The following RTN1 variants were observed in gnomAD, a reference collection of about 807,000 sequenced individuals.
The protein encoded by RTN1 is reticulon-1.
A neutral mutation model predicts 65.5 loss-of-function variants in RTN1; 25 were observed. The ratio of observed to expected loss-of-function variants is 0.38; its 90% confidence interval spans 0.28 to 0.53. The LOEUF (loss-of-function observed/expected upper bound fraction) is 0.53. Among genes scored for constraint, RTN1 ranks in the 20% least tolerant of loss-of-function variants. The pLI is 0.79. For synonymous variants in RTN1, 471 were observed against 447.6 expected, an observed-to-expected ratio of 1.05 and a Z score of -0.66; for missense variants, 983 against 1,025.4, an observed-to-expected ratio of 0.96 and a Z score of 0.57.
intron 3 of RTN1, among the ~76,000 whole-genome samples, chr14:59,688,567 C>T (rs1367068455): frequency 3.3e-5 from 5 of 152,154 alleles, no homozygotes; most frequent in African/African-American, 4.8e-5. Context: ...GAACTTCTCC[C>T]GGTAAGCAAG....
At chr14:59,869,925 A>C (rs1887864697) in intron 1 of RTN1, among the ~76,000 whole-genome samples, 2 of 152,072 alleles carry the variant, frequency 1.3e-5, no homozygotes, top group Non-Finnish European at 2.9e-5. Flanking sequence ...CCCTGGACAG[A>C]GCCGGGTCCA....
At chr14:59,811,682 A>G (rs1427436957) in intron 1 of RTN1, among the ~76,000 whole-genome samples, 1 of 152,234 alleles carries the variant, frequency 6.6e-6, no homozygotes. Flanking sequence ...GGAAAGACTC[A>G]TATTAGTATA....
In RTN1 at chr14:59,770,023, G is replaced by A. The variant is rs531211364; in HGVS notation, c.242-23542C>T. The stretch of plus-strand genomic sequence containing the variant: ...CTCTGAAGAAAACCAGGACTGTCAC[G>A]TATAGTTGACACTACATATGGGAAC... On this transcript the variant is annotated intron_variant, in intron 1 of 8. Coordinates refer to ENST00000267484, the MANE Select transcript of RTN1 (RefSeq NM_021136.3). Among the ~76,000 whole-genome samples, 6 of 152,192 alleles carry A rather than the reference G, an allele frequency of 3.9e-5. No individual in the cohort carries two copies. In the South Asian group the frequency reaches 1.0e-3, roughly 26 times the overall value.
At chr14:59,858,961 A>C (rs1264981619) in intron 1 of RTN1, among the ~76,000 whole-genome samples, 2 of 152,238 alleles carry the variant, frequency 1.3e-5, no homozygotes, top group African/African-American at 4.8e-5. Flanking sequence ...AAACTGGATA[A>C]AATTATATAG....
At chr14:59,772,113 C>T (rs181376961) in intron 1 of RTN1, among the ~76,000 whole-genome samples, 32 of 152,236 alleles carry the variant, frequency 2.1e-4, no homozygotes, top group Non-Finnish European at 2.9e-4. Flanking sequence ...AGAATACATG[C>T]TACTGACTGA....
chr14:59,694,797 C>T (rs1258854120), intron 3 of RTN1, among the ~76,000 whole-genome samples: 1 of 152,178 alleles, frequency 6.6e-6, no homozygotes, highest in Non-Finnish European at 1.5e-5. Context: ...AAGGAGTTTA[C>T]ACTAGCTACT....
At chr14:59,695,312 C>T (rs956555164) in intron 3 of RTN1, among the ~76,000 whole-genome samples, 4 of 152,172 alleles carry the variant, frequency 2.6e-5, no homozygotes, top group African/African-American at 9.7e-5. Context: ...AACTATACAA[C>T]CTTCATCCTG....
intron 3 of RTN1, chr14:59,610,078 T>C (rs1566659845): frequency 1.3e-6 from 1 of 771,872 alleles, no homozygotes; most frequent in South Asian, 1.4e-5. Context: ...AAGATAGAAT[T>C]TGCTATTTTC....
In RTN1 at chr14:59,615,379, G is replaced by T. The variant is rs1275034409; in HGVS notation, c.1766-7887C>A. Among the ~76,000 whole-genome samples the T allele has an allele frequency of 1.3e-5, 2 of 152,264 alleles. 1 individual carries two copies. Among genetic ancestry groups the T allele is most frequent in the South Asian group, 4.1e-4 (2 of 4,824 alleles). On this transcript the variant is annotated intron_variant, in intron 3 of 8. Coordinates refer to ENST00000267484, the MANE Select transcript of RTN1 (RefSeq NM_021136.3). ...CAGGAGAATCACTTGAACCTGGGAG[G>T]TGGAGGTTGCGATGAACAGAGATCA...
At chr14:59,818,456 C>T (rs1045730564) in intron 1 of RTN1, among the ~76,000 whole-genome samples, 6 of 152,244 alleles carry the variant, frequency 3.9e-5, no homozygotes, top group South Asian at 4.1e-4. Context: ...ATATCTCCAG[C>T]ACTCACACAG....
chr14:59,830,410 GA>G (rs1399266264), intron 1 of RTN1, among the ~76,000 whole-genome samples: 3 of 152,188 alleles, frequency 2.0e-5, no homozygotes, highest in African/African-American at 7.2e-5. Flanking sequence ...GAAGCTTAGG[GA>G]AGTCTCTATC....
At chr14:59,632,600 G>T (rs972812504) in intron 3 of RTN1, among the ~76,000 whole-genome samples, 10 of 152,144 alleles carry the variant, frequency 6.6e-5, no homozygotes, top group African/African-American at 2.4e-4. Flanking sequence ...AAGTCCAGAA[G>T]GTGCCAGCAG....
intron 1 of RTN1, among the ~76,000 whole-genome samples, chr14:59,832,958 G>T (rs149686229): frequency 1.2e-4 from 19 of 152,208 alleles, no homozygotes; most frequent in African/African-American, 4.1e-4. Flanking sequence ...CCTCCTTGTG[G>T]AGTCCATGTG....
chr14:59,611,720 A>C (rs934454734), intron 3 of RTN1, among the ~76,000 whole-genome samples: 6 of 152,160 alleles, frequency 3.9e-5, no homozygotes, highest in Non-Finnish European at 7.3e-5. Flanking sequence ...ACTTCTCCTC[A>C]ATCAGGAAGA....
intron 1 of RTN1, among the ~76,000 whole-genome samples, chr14:59,765,469 A>G (rs1391367882): frequency 6.6e-6 from 1 of 152,210 alleles, no homozygotes; most frequent in Non-Finnish European, 1.5e-5. Flanking sequence ...TAGTTATTTG[A>G]TTTCTATATA....
chr14:59,640,924 GT>G (rs1222066227), intron 3 of RTN1, among the ~76,000 whole-genome samples: 2 of 150,230 alleles, frequency 1.3e-5, no homozygotes, highest in African/African-American at 2.5e-5. Flanking sequence ...ATTCACTATT[GT>G]TTTACTAACT....
Position 59,790,353 on chromosome 14 carries a change from T to C in RTN1, c.242-43872A>G, listed in dbSNP as rs761582294. Among the ~76,000 whole-genome samples, 7 of 152,278 alleles carry C rather than the reference T, an allele frequency of 4.6e-5. No individual in the cohort carries two copies. The highest frequency in any genetic ancestry group is 8.8e-5 in the Non-Finnish European group (6 of 67,980). On this transcript the variant is annotated intron_variant, in intron 1 of 8. Coordinates refer to ENST00000267484, the MANE Select transcript of RTN1 (RefSeq NM_021136.3). This position sits in a 1 kb window ranked among gnomAD's most constrained non-coding sequence, Gnocchi z 4.1. ...ACACATTGATAGCAGTAGTCATTTCTGAATGGTAGCAACAGAGGTTTGTGT... is the reference window on the plus strand; with the variant it reads ...ACACATTGATAGCAGTAGTCATTTCCGAATGGTAGCAACAGAGGTTTGTGT...
At chr14:59,756,831 T>C (rs1245725787) in intron 1 of RTN1, among the ~76,000 whole-genome samples, 2 of 115,024 alleles carry the variant, frequency 1.7e-5, no homozygotes, top group African/African-American at 8.5e-5. Context: ...TCTCCATAAT[T>C]CTTTTTTTTG....
rs78851928 is a variant in RTN1, at chr14:59,598,351, G to A, written c.2289-1564C>T. Reference sequence around the variant, plus strand: ...GGTGAAAATGCCATTTACCAAGATTGTGATAACTGAAGGAAATACAAGTTC... The same window carrying A: ...GGTGAAAATGCCATTTACCAAGATTATGATAACTGAAGGAAATACAAGTTC... On this transcript the variant is annotated intron_variant, in intron 8 of 8. Transcript: ENST00000267484. Among the ~76,000 whole-genome samples the A allele has an allele frequency of 5.0e-3, 764 of 152,312 alleles. 7 individuals are homozygous for A. The highest frequency in any genetic ancestry group is 0.018 in the African/African-American group (741 of 41,560).
Sources: allele counts gnomAD v4.1 joint callset (sites outside exome capture counted in the v4.1 genomes callset), GRCh38; gene constraint gnomAD v4.1.1; non-coding constraint Gnocchi (gnomAD v3.1); transcripts MANE v1.5; gene names NCBI Gene and HGNC (gene_info 2026-07-23, HGNC 2026-07-21).